Variants in RARB observed in about 807,000 individuals in gnomAD.
The protein encoded by RARB is retinoic acid receptor beta, also known as HBV-activated protein.
A neutral mutation model predicts 51.9 loss-of-function variants in RARB; 17 were observed. The observed-to-expected ratio is 0.33, with a 90% CI of 0.22 to 0.49. The LOEUF is 0.49. Ranked by LOEUF, RARB falls within the 20% of genes least tolerant of loss-of-function variation. RARB has a pLI of 0.99. For missense variants in RARB, 369 were observed against 550.8 expected (o/e 0.67, Z 3.30); for synonymous variants, 215 against 195.4 (o/e 1.10, Z -0.84).
intron 5 of RARB, among the ~76,000 whole-genome samples, chr3:25,589,379 A>G (rs1292384324): frequency 1.3e-5 from 2 of 152,242 alleles, no homozygotes; most frequent in Admixed American, 6.5e-5. Flanking sequence ...GGCCACAGAA[A>G]GAAGTTTGGA....
intron 2 of RARB, among the ~76,000 whole-genome samples, chr3:25,016,317 C>T (rs1427845047): frequency 1.3e-5 from 2 of 152,158 alleles, no homozygotes; most frequent in Non-Finnish European, 2.9e-5. Flanking sequence ...CTCAACTTTG[C>T]CACTCATAAG....
intron 5 of RARB, among the ~76,000 whole-genome samples, chr3:25,405,146 G>A (rs972908092): frequency 1.3e-5 from 2 of 152,170 alleles, no homozygotes; most frequent in African/African-American, 2.4e-5. Flanking sequence ...CCCAGAGACC[G>A]GAGCAGAGGC....
At position 25,530,001 on chromosome 3, in the gene RARB, C is replaced by A. The variant is rs1258216199; in HGVS notation, c.448+28678C>A. Among the ~76,000 whole-genome samples the A allele has an allele frequency of 2.0e-5, 3 of 152,126 alleles. No individual in the cohort carries two copies. The South Asian group carries it at 6.2e-4, about 32-fold the overall frequency. ...TTCATGTCCTGGCCCCTGCTCGCCT[C>A]CCCTCCCTGAGCAACCCACGGACCC... On this transcript the variant is annotated intron_variant, in intron 3 of 7. Coordinates refer to ENST00000330688, the MANE Select transcript of RARB (RefSeq NM_000965.5).
chr3:24,901,916 C>T (rs1010981078), intron 2 of RARB, among the ~76,000 whole-genome samples: 4 of 151,946 alleles, frequency 2.6e-5, no homozygotes, highest in African/African-American at 9.7e-5. Flanking sequence ...GGTGCAAAAT[C>T]AACTGCAGTT....
At chr3:25,018,251 TAGATC>T (rs10553832) in intron 2 of RARB, among the ~76,000 whole-genome samples, 60,314 of 151,500 alleles carry the variant, frequency 0.4, 12,656 homozygotes, top group Admixed American at 0.53. Flanking sequence ...CAAATACAGT[TAGATC>T]AGATTTCCTG....
intron 5 of RARB, among the ~76,000 whole-genome samples, chr3:25,403,886 T>TA (rs546197894): frequency 0.015 from 1,340 of 88,348 alleles, 40 homozygotes; most frequent in African/African-American, 0.036. Context: ...TTTCTTTTTC[T>TA]AAAAAAAAAA....
At chr3:24,977,480 C>A (rs1345590022) in intron 2 of RARB, among the ~76,000 whole-genome samples, 1 of 152,042 alleles carries the variant, frequency 6.6e-6, no homozygotes, top group Admixed American at 6.6e-5. Flanking sequence ...CCTTCACATC[C>A]CTTGTAAGTT....
intron 5 of RARB, among the ~76,000 whole-genome samples, chr3:25,268,336 C>A (rs1703173086): frequency 6.6e-6 from 1 of 151,634 alleles, no homozygotes; most frequent in Non-Finnish European, 1.5e-5. Flanking sequence ...AAATGCACAT[C>A]TGTAATCTAT....
At chr3:24,904,069 C>G (rs1326216174) in intron 2 of RARB, among the ~76,000 whole-genome samples, 10 of 152,116 alleles carry the variant, frequency 6.6e-5, no homozygotes, top group Non-Finnish European at 4.4e-5. Context: ...ATTTTAGAAA[C>G]AACAAATGTT....
At chr3:25,483,736 G>A (rs1237199879) in intron 2 of RARB, among the ~76,000 whole-genome samples, 2 of 152,138 alleles carry the variant, frequency 1.3e-5, no homozygotes, top group Non-Finnish European at 2.9e-5. Context: ...AATGTCAGCA[G>A]CACAAACTGT....
intron 5 of RARB, among the ~76,000 whole-genome samples, chr3:25,302,635 G>A (rs1216014779): frequency 1.3e-5 from 2 of 152,194 alleles, no homozygotes; most frequent in African/African-American, 4.8e-5. Flanking sequence ...TAATGGGCAT[G>A]GGGTTTCTTT....
At chr3:25,256,132 C>G (rs774306374) in intron 5 of RARB, among the ~76,000 whole-genome samples, 1 of 152,238 alleles carries the variant, frequency 6.6e-6, no homozygotes, top group African/African-American at 2.4e-5. Flanking sequence ...CCCATTTAAA[C>G]AAGCTGTGTT....
At chr3:25,220,365 T>G (rs550020315) in intron 5 of RARB, among the ~76,000 whole-genome samples, 4 of 152,344 alleles carry the variant, frequency 2.6e-5, no homozygotes, top group African/African-American at 4.8e-5. Context: ...TGATTAGTAT[T>G]GTGATTATTT....
chr3:24,894,851 G>A (rs1703447856), intron 2 of RARB, among the ~76,000 whole-genome samples: 1 of 152,166 alleles, frequency 6.6e-6, no homozygotes, highest in Non-Finnish European at 1.5e-5. Context: ...TCCAATGTGA[G>A]CAAAATAATG....
At chr3:25,110,439 A>G (rs1699583055) in intron 3 of RARB, among the ~76,000 whole-genome samples, 3 of 152,198 alleles carry the variant, frequency 2.0e-5, no homozygotes, top group Admixed American at 6.5e-5. Flanking sequence ...GGAGCCCAGG[A>G]CTCAGCTTCA....
chr3:25,010,777 C>T (rs1318260538), intron 2 of RARB, among the ~76,000 whole-genome samples: 2 of 152,098 alleles, frequency 1.3e-5, no homozygotes. Context: ...CTTCATGAAC[C>T]CTCCCCGATC....
intron 3 of RARB, among the ~76,000 whole-genome samples, chr3:25,107,182 T>G (rs1699522778): frequency 1.3e-5 from 2 of 152,204 alleles, no homozygotes; most frequent in African/African-American, 4.8e-5. Flanking sequence ...ATTACAGGCA[T>G]TAGCCACTGC....
At chr3:25,259,743 G>C (rs994986773) in intron 5 of RARB, among the ~76,000 whole-genome samples, 2 of 152,162 alleles carry the variant, frequency 1.3e-5, no homozygotes, top group African/African-American at 2.4e-5. Flanking sequence ...TATTGAAAAT[G>C]TTAAAGCATT....
intron 1 of RARB, among the ~76,000 whole-genome samples, chr3:25,456,996 TC>T (rs1350591981): frequency 1.3e-5 from 2 of 152,128 alleles, no homozygotes; most frequent in East Asian, 3.9e-4. Context: ...TATTAGTGGT[TC>T]CCAAACTACT....
Sources: allele counts gnomAD v4.1 joint callset (sites outside exome capture counted in the v4.1 genomes callset), GRCh38; gene constraint gnomAD v4.1.1; transcripts MANE v1.5; gene names NCBI Gene and HGNC (gene_info 2026-07-23, HGNC 2026-07-21).